Variants in CDH13 observed in about 807,000 individuals in gnomAD.
CDH13 encodes the protein cadherin-13.
CDH13 carries 24 observed loss-of-function variants against 63.8 expected under a neutral mutation model. The ratio of observed to expected loss-of-function variants is 0.38; its 90% CI spans 0.27 to 0.53. The LOEUF is 0.53. CDH13 is among the 20% of genes least tolerant of loss of function. The probability of loss-of-function intolerance (pLI) is 0.85; values close to 1 mark genes in which losing one functional copy is unlikely to be tolerated. For synonymous variants in CDH13, 503 were observed against 355.3 expected (o/e 1.42, Z -4.67); for missense variants, 1,049 against 903.1 (o/e 1.16, Z -2.07).
intron 5 of CDH13, among the ~76,000 whole-genome samples, chr16:83,324,948 C>G (rs888092771): frequency 1.3e-5 from 2 of 152,192 alleles, no homozygotes; most frequent in Admixed American, 6.5e-5. Context: ...CAGCCCATGT[C>G]ACCTTTCCCA....
intron 6 of CDH13, among the ~76,000 whole-genome samples, chr16:83,472,465 G>T (rs1262413581): frequency 2.0e-5 from 3 of 152,200 alleles, no homozygotes; most frequent in Non-Finnish European, 4.4e-5. Flanking sequence ...CTGGAGCCCT[G>T]AGGTCGGCCC....
At chr16:83,576,156 C>T (rs1905072516) in intron 7 of CDH13, among the ~76,000 whole-genome samples, 1 of 152,176 alleles carries the variant, frequency 6.6e-6, no homozygotes, top group African/African-American at 2.4e-5. Context: ...GTAGCCTCTC[C>T]CACTTCTTCC....
At chr16:83,112,608 C>A (rs1283112402) in intron 3 of CDH13, among the ~76,000 whole-genome samples, 1 of 151,782 alleles carries the variant, frequency 6.6e-6, no homozygotes, top group African/African-American at 2.4e-5. Context: ...TGTTAGTTTC[C>A]CCATAATATT....
intron 4 of CDH13, among the ~76,000 whole-genome samples, chr16:83,157,465 T>C (rs2037253574): frequency 2.0e-5 from 3 of 152,226 alleles, no homozygotes; most frequent in Admixed American, 2.0e-4. Context: ...ATTATAGTTA[T>C]ATTTTAATTG....
chr16:83,323,570 C>T (rs554222726), intron 5 of CDH13, among the ~76,000 whole-genome samples: 9 of 151,984 alleles, frequency 5.9e-5, no homozygotes, highest in South Asian at 4.2e-4. Flanking sequence ...CATGAGCTAC[C>T]GCGCCTGGCC....
At chr16:82,979,772 C>T (rs1384849728) in intron 2 of CDH13, among the ~76,000 whole-genome samples, 1 of 152,108 alleles carries the variant, frequency 6.6e-6, no homozygotes, top group Non-Finnish European at 1.5e-5. Flanking sequence ...TGAGCTTTTT[C>T]CTGCCTTGCT....
chr16:83,191,528 CACATATATATAT>C (rs1230267432), intron 4 of CDH13, among the ~76,000 whole-genome samples: 1,294 of 70,052 alleles, frequency 0.018, 46 homozygotes, highest in South Asian at 0.15. Context: ...CACACACACA[CACATATATATAT>C]ATATATATAT....
intron 4 of CDH13, among the ~76,000 whole-genome samples, chr16:83,210,974 C>A (rs1203811254): frequency 6.6e-6 from 1 of 151,610 alleles, no homozygotes; most frequent in African/African-American, 2.4e-5. Context: ...ACAGTGAAAC[C>A]CTGTCTCTAC....
intron 7 of CDH13, among the ~76,000 whole-genome samples, chr16:83,511,251 C>G (rs760105037): frequency 6.6e-6 from 1 of 152,188 alleles, no homozygotes; most frequent in Non-Finnish European, 1.5e-5. Flanking sequence ...CAACTGAAAT[C>G]AGGAGTTTTA....
At chr16:83,447,092 T>A (rs933885788) in intron 6 of CDH13, among the ~76,000 whole-genome samples, 7 of 113,212 alleles carry the variant, frequency 6.2e-5, no homozygotes, top group Non-Finnish European at 7.4e-5. Flanking sequence ...CACCTTATAG[T>A]AACCTTTTTT....
intron 11 of CDH13, among the ~76,000 whole-genome samples, chr16:83,755,040 A>G (rs1294443459): frequency 1.3e-5 from 2 of 152,186 alleles, no homozygotes; most frequent in Non-Finnish European, 2.9e-5. Flanking sequence ...GGATCCAGAT[A>G]TTTGAATTAG....
At chr16:83,015,203 A>G (rs184290047) in intron 2 of CDH13, among the ~76,000 whole-genome samples, 29 of 152,016 alleles carry the variant, frequency 1.9e-4, no homozygotes, top group Admixed American at 1.8e-3. Flanking sequence ...TGCATCTCCT[A>G]TTTCACTTCA....
At chr16:82,838,988 T>C (rs1206237471) in intron 1 of CDH13, among the ~76,000 whole-genome samples, 2 of 152,236 alleles carry the variant, frequency 1.3e-5, no homozygotes, top group Non-Finnish European at 2.9e-5. Flanking sequence ...TACTCTGCCA[T>C]TGTAGCATGA....
At chr16:83,756,601 T>C (rs1913527545) in intron 11 of CDH13, among the ~76,000 whole-genome samples, 1 of 152,312 alleles carries the variant, frequency 6.6e-6, no homozygotes, top group Middle Eastern at 3.4e-3. Flanking sequence ...TAGTGTATTG[T>C]ATGTGTGGCC....
At chr16:83,349,035 C>T (rs1269097519) in intron 6 of CDH13, among the ~76,000 whole-genome samples, 1 of 152,206 alleles carries the variant, frequency 6.6e-6, no homozygotes, top group African/African-American at 2.4e-5. Context: ...AAAGGAAGGT[C>T]ACCCATATTT....
chr16:83,094,528 T>C (rs2034096400), intron 3 of CDH13, among the ~76,000 whole-genome samples: 1 of 152,138 alleles, frequency 6.6e-6, no homozygotes, highest in Non-Finnish European at 1.5e-5. Flanking sequence ...TGACTAGTCA[T>C]TGAATGTAGG....
chr16:82,732,857 C>A (rs1273765306), intron 1 of CDH13, among the ~76,000 whole-genome samples: 3 of 152,182 alleles, frequency 2.0e-5, no homozygotes, highest in African/African-American at 7.2e-5. Flanking sequence ...AGTGAGGGTT[C>A]CGGATACCCA....
chr16:83,194,928 C>G (rs924038738), intron 4 of CDH13, among the ~76,000 whole-genome samples: 1 of 152,174 alleles, frequency 6.6e-6, no homozygotes, highest in Non-Finnish European at 1.5e-5. Flanking sequence ...CTTTGACATA[C>G]AAACCCATAA....
chr16:83,524,030 C>T (rs1226659206), intron 7 of CDH13, among the ~76,000 whole-genome samples: 1 of 152,182 alleles, frequency 6.6e-6, no homozygotes, highest in African/African-American at 2.4e-5. Flanking sequence ...ATCACTTACC[C>T]TGCAGTCCAC....
Sources: allele counts gnomAD v4.1 joint callset (sites outside exome capture counted in the v4.1 genomes callset), GRCh38; gene constraint gnomAD v4.1.1; transcripts MANE v1.5; gene names NCBI Gene and HGNC (gene_info 2026-07-23, HGNC 2026-07-21).